TNRC18: variants seen among roughly 807,000 people sequenced by gnomAD.
The protein encoded by TNRC18 is trinucleotide repeat containing 18, also known as trinucleotide repeat-containing gene 18 protein.
In TNRC18, 69 loss-of-function variants were observed where a neutral mutation model predicts 226.7. The observed-to-expected ratio is 0.30, with a 90% CI of 0.25 to 0.37. The LOEUF (loss-of-function observed/expected upper bound fraction) is 0.37, where lower values mean the gene tolerates loss of function less well. Ranked by LOEUF, TNRC18 falls within the 10% of genes least tolerant of loss-of-function variation. The pLI, the probability that TNRC18 is intolerant of heterozygous loss-of-function variation, is 1.00. For missense variants in TNRC18, 4,754 were observed against 4,256.6 expected, an observed-to-expected ratio of 1.12 and a Z score of -3.25; for synonymous variants, 2,449 against 1,927.6, an observed-to-expected ratio of 1.27 and a Z score of -7.09.
In TNRC18 at chr7:5,388,576, G is replaced by A; in HGVS notation, c.1248C>T (p.Ser416=). 2 of 1,300,920 alleles carry A rather than the reference G, an allele frequency of 1.5e-6. No homozygotes were observed. Among genetic ancestry groups the A allele is most frequent in the Non-Finnish European group, 1.9e-6 (2 of 1,026,002 alleles). 80.6% of individuals were successfully genotyped at this position (1,300,920 alleles called of 1,614,324 possible). A position where few individuals can be genotyped will look rare whatever the true frequency, so the allele number is the denominator to read the frequency against. The stretch of plus-strand genomic sequence containing the variant: ...CCTCGGGCCGGTCCAGAGGCCGCGG[G>A]GAGCCGGGGGGCGCCTGCAGGACCC... ...RPGVLQAPPG[S]PRPLDRPEGL... Residue 416 remains serine, a synonymous_variant, in exon 5 of 30, where the codon TCC becomes TCT. Coordinates refer to ENST00000430969, the MANE Select transcript of TNRC18 (RefSeq NM_001080495.3).
chr7:5,398,609 G>A (rs531585380), intron 2 of TNRC18, among the ~76,000 whole-genome samples: 6 of 118,512 alleles, frequency 5.1e-5, no homozygotes, highest in South Asian at 5.6e-4. Flanking sequence ...ATGAGCCACC[G>A]TGCCCGGCCT....
At chr7:5,373,942 G>A (rs1794388959) in intron 10 of TNRC18, 113 bp downstream of exon 10, 1 of 833,168 alleles carries the variant, frequency 1.2e-6, no homozygotes, top group Middle Eastern at 3.8e-4. Context: ...CGCAGGAGGT[G>A]CTCCGTGGAG....
chr7:5,403,869 T>C (rs374753173), intron 2 of TNRC18, among the ~76,000 whole-genome samples: 43 of 151,568 alleles, frequency 2.8e-4, no homozygotes, highest in East Asian at 5.8e-4. Context: ...CAAACCAGAA[T>C]TGTCACCCAG....
At position 5,387,839 on chromosome 7, in the gene TNRC18, T is replaced by C; in HGVS notation, c.1985A>G (p.Lys662Arg). 2 of 1,605,896 alleles carry C rather than the reference T, an allele frequency of 1.2e-6. No individual in the cohort carries two copies. The highest frequency in any genetic ancestry group is 1.3e-5 in the African/African-American group (1 of 74,996). The change falls in exon 5 of 30, where the codon AAA (lysine) becomes AGA (arginine). Residue 662 changes from lysine (K) to arginine (R), a missense_variant. By Grantham distance (26) the Lys-to-Arg change is conservative. Coordinates refer to ENST00000430969, the MANE Select transcript of TNRC18 (RefSeq NM_001080495.3). ...ACCAGAGCCCTCGCGCCCGAAAGCT[T>C]TGGCGCTCTCGGGCCTCTCGGGGTC... ...KRDPERPESA[K>R]AFGREGSGAQ... is the part of the protein sequence containing the mutation.
At chr7:5,366,015 G>A (rs1306205803) in intron 11 of TNRC18, among the ~76,000 whole-genome samples, 1 of 152,150 alleles carries the variant, frequency 6.6e-6, no homozygotes, top group Non-Finnish European at 1.5e-5. Context: ...AGACTGCGGT[G>A]AGCCGAAAAC....
intron 2 of TNRC18, among the ~76,000 whole-genome samples, chr7:5,397,591 G>C (rs1187287855): frequency 2.6e-5 from 4 of 152,022 alleles, no homozygotes; most frequent in Non-Finnish European, 5.9e-5. Context: ...GATGAGGCCA[G>C]CGTGCCACCC....
chr7:5,356,642 G>T (rs1181104312), intron 16 of TNRC18, among the ~76,000 whole-genome samples: 1 of 152,152 alleles, frequency 6.6e-6, no homozygotes, highest in Non-Finnish European at 1.5e-5. Flanking sequence ...GCCGGCGGAG[G>T]TCGGCTCCCA....
intron 16 of TNRC18, 62 bp from the exon 17 acceptor site, chr7:5,352,156 T>C: frequency 6.7e-6 from 10 of 1,490,356 alleles, no homozygotes; most frequent in Non-Finnish European, 9.0e-6. Flanking sequence ...GGTGTCATTT[T>C]ATTGGTTTTA....
chr7:5,314,915 C>T, intron 26 of TNRC18, 69 bp downstream of exon 26: 2 of 1,493,946 alleles, frequency 1.3e-6, no homozygotes, highest in Non-Finnish European at 1.8e-6. Flanking sequence ...GGCAGGTTCC[C>T]AAGCCCTGAG....
At chr7:5,319,541 C>G (rs990565973) in intron 24 of TNRC18, among the ~76,000 whole-genome samples, 2 of 152,146 alleles carry the variant, frequency 1.3e-5, no homozygotes, top group Non-Finnish European at 2.9e-5. Flanking sequence ...CGTAGTCTCA[C>G]TCTGTCACCC....
chr7:5,390,984 T>C (rs531189606), intron 3 of TNRC18, among the ~76,000 whole-genome samples: 5 of 152,272 alleles, frequency 3.3e-5, no homozygotes, highest in African/African-American at 1.2e-4. Context: ...CTTAATGTCC[T>C]CACTTTAAAG....
intron 24 of TNRC18, among the ~76,000 whole-genome samples, chr7:5,316,463 G>C (rs1787861441): frequency 6.6e-6 from 1 of 151,926 alleles, no homozygotes; most frequent in African/African-American, 2.4e-5. Flanking sequence ...ATTTTCAGTA[G>C]AGATGGGGTT....
At chr7:5,325,704 A>G (rs12531649) in intron 19 of TNRC18, 49,267 of 146,482 alleles carry the variant, frequency 0.34, 8,711 homozygotes, top group East Asian at 0.69. Flanking sequence ...GATTACAGGC[A>G]TGAGCAAACG....
In TNRC18 at chr7:5,388,902, C is replaced by T. The variant is rs1256533469; in HGVS notation, c.922G>A (p.Ala308Thr). Residue 308 changes from alanine (A) to threonine (T), a missense_variant, in exon 5 of 30, where the codon GCT (alanine) becomes ACT (threonine). Transcript: ENST00000430969. ...CGCGCGCCCTCGTCCTGCCGGGCAG[C>T]CTCCTTGGCACCCCCGCGCCCCGCT... ...AEAGRGGAKE[A>T]ARQDEGARLL... 2 of 1,362,668 alleles carry T rather than the reference C, an allele frequency of 1.5e-6. No homozygotes were observed. The highest frequency in any genetic ancestry group is 1.9e-6 in the Non-Finnish European group (2 of 1,053,882). The allele number at this position is 1,362,668 out of a possible 1,614,324, so 84.4% of individuals were successfully genotyped here.
chr7:5,312,629 G>A lies in TNRC18; in HGVS notation c.8262C>T (p.Gly2754=), dbSNP rs763777976. ...GCTCCTTGGTGGTGGGGAGGTGGAC[G>A]CCCTCTCTCTTCTTGGGTCGGCTCT... is the stretch of plus-strand genomic sequence containing the variant. The part of the protein sequence containing the change: ...GAKSRPKKRE[G]VHLPTTKELA... The change falls in exon 27 of 30, where the codon GGC becomes GGT. Residue 2754 remains glycine, a synonymous_variant. Transcript: ENST00000430969. The surrounding 1 kb of genome is among the most constrained non-coding windows in gnomAD (Gnocchi z 6.3). The A allele has an allele frequency of 2.0e-5, 33 of 1,610,006 alleles. No individual in the cohort carries two copies. The highest frequency in any genetic ancestry group is 6.7e-5 in the African/African-American group (5 of 74,840).
rs1780504356 is a variant in TNRC18 at position 5,394,302 on chromosome 7, G to A, written c.343+138C>T. 5.2e-6 allele frequency: 4 copies of A among 768,328 alleles called. No homozygotes were observed. The South Asian group carries it at 8.6e-5, about 16-fold the overall frequency. 47.6% of individuals were successfully genotyped at this position (768,328 alleles called of 1,614,324 possible). A position where few individuals can be genotyped will look rare whatever the true frequency, so the allele number is the denominator to read the frequency against. On this transcript the variant is annotated intron_variant, in intron 3 of 29. Transcript: ENST00000430969. The surrounding 1 kb of genome is among the most constrained non-coding windows in gnomAD (Gnocchi z 4.5). ...ACAAGAAGAAGCCCTGAGCGTTTGAGAAACAACAGGGAAGCCAGGTGACCT... is the reference window on the plus strand; with the variant it reads ...ACAAGAAGAAGCCCTGAGCGTTTGAAAAACAACAGGGAAGCCAGGTGACCT...
In TNRC18 at chr7:5,389,131, C is replaced by T; in HGVS notation, c.693G>A (p.Glu231=). ...CCACCACGCCCCGTGGCCCCGAGGC[C>T]TCCTCGCCCCGGGCGCGCGGGTCCT... ...GKKDPRARGE[E]ASGPRGVVDL... is the part of the protein sequence containing the mutation. The change falls in exon 5 of 30, where the codon GAG becomes GAA. Residue 231 remains glutamate, a synonymous_variant. Transcript: ENST00000430969. 7.6e-7 allele frequency: 1 copy of T among 1,319,372 alleles called. No individual in the cohort carries two copies. Among genetic ancestry groups the T allele is most frequent in the Non-Finnish European group, 9.7e-7 (1 of 1,034,632 alleles). The allele number at this position is 1,319,372 out of a possible 1,614,324, so 81.7% of individuals were successfully genotyped here.
intron 19 of TNRC18, among the ~76,000 whole-genome samples, chr7:5,326,925 C>T (rs1788976659): frequency 6.6e-6 from 1 of 151,468 alleles, no homozygotes; most frequent in African/African-American, 2.4e-5. Flanking sequence ...GAGATCGAGA[C>T]CATCCTGGCT....
At position 5,362,722 on chromosome 7, in the gene TNRC18, G is replaced by A; in HGVS notation, c.4323C>T (p.Leu1441=). 1.3e-6 allele frequency: 2 copies of A among 1,578,764 alleles called. No individual in the cohort carries two copies. The highest frequency in any genetic ancestry group is 1.7e-6 in the Non-Finnish European group (2 of 1,163,028). ...EVLDGPVVDP[L]KNLRLPRELK... ...GCTCCCGCGGGAGCCGCAGGTTCTT[G>A]AGTGGGTCCACCACGGGCCCATCCA... The change falls in exon 12 of 30, where the codon CTC becomes CTT. Residue 1441 remains leucine (L), a synonymous_variant. Transcript: ENST00000430969.
Sources: gnomAD v4.1 joint callset for allele counts (sites outside exome capture counted in the v4.1 genomes callset) on GRCh38, gnomAD v4.1.1 for gene constraint, Gnocchi (gnomAD v3.1) non-coding constraint, MANE v1.5 for transcripts, NCBI Gene and HGNC (gene_info 2026-07-23, HGNC 2026-07-21) for gene names.